MYO18A: variants seen among roughly 807,000 people sequenced by gnomAD.
MYO18A encodes myosin XVIIIA, also known as unconventional myosin-XVIIIa.
Under a neutral mutation model 235.8 loss-of-function variants are expected in MYO18A, and 78 were observed. The ratio of observed to expected loss-of-function variants is 0.33; its 90% CI spans 0.28 to 0.40. The LOEUF (loss-of-function observed/expected upper bound fraction) is 0.40. Among genes scored for constraint, MYO18A ranks in the 10% least tolerant of loss-of-function variants. The pLI is 1.00. For missense variants in MYO18A, 2,215 were observed against 2,699.3 expected, an observed-to-expected ratio of 0.82 and a Z score of 3.98; for synonymous variants, 977 against 1,077.8, an observed-to-expected ratio of 0.91 and a Z score of 1.83.
At chr17:29,091,441 T>C (rs2066396170) in intron 34 of MYO18A, 1 of 334,938 alleles carries the variant, frequency 3.0e-6, no homozygotes. Context: ...AGGAAATGAA[T>C]GAATCTATTA....
rs771938720 is a variant in MYO18A, at chr17:29,103,553, G to C, written c.3507+46C>G. On this transcript the variant is annotated intron_variant, in intron 21 of 41. Coordinates refer to ENST00000527372, the MANE Select transcript of MYO18A (RefSeq NM_078471.4). ...GAGGAGTGGGCCAGCCACCTGACAG[G>C]GGCCCCTGGAGTGAGGCCCGACTGC... The C allele has an allele frequency of 7.3e-5, 117 of 1,597,506 alleles. No homozygotes were observed. In the Admixed American group the frequency reaches 1.9e-3, roughly 26 times the overall value.
intron 37 of MYO18A, among the ~76,000 whole-genome samples, chr17:29,088,052 CTTTTTTT>C (rs1040172315): frequency 1.6e-5 from 2 of 124,626 alleles, no homozygotes; most frequent in East Asian, 2.3e-4. Flanking sequence ...AAAATAAATT[CTTTTTTT>C]TTTTTTTTTT....
Position 29,087,104 on chromosome 17 carries a change from G to A in MYO18A, c.5544C>T (p.Leu1848=). The A allele has an allele frequency of 6.2e-7, 1 of 1,613,584 alleles. No individual in the cohort carries two copies. Among genetic ancestry groups the A allele is most frequent in the Non-Finnish European group, 8.5e-7 (1 of 1,179,704 alleles). The change falls in exon 38 of 42, where the codon CTC becomes CTT. Residue 1848 remains leucine (L), a synonymous_variant. Transcript: ENST00000527372. ...CAGTCAGCTTCTCCATGTTTTCCTT[G>A]AGACGGCTAGCCAGGCTCTGGATAG... ...VKRLESLASR[L]KENMEKLTEE... is the part of the protein sequence containing the mutation.
At chr17:29,101,372 C>T (rs2066648381) in intron 21 of MYO18A, among the ~76,000 whole-genome samples, 1 of 152,134 alleles carries the variant, frequency 6.6e-6, no homozygotes, top group Non-Finnish European at 1.5e-5. Context: ...ATGGTGCAAT[C>T]TCTGCTTACT....
intron 37 of MYO18A, among the ~76,000 whole-genome samples, chr17:29,087,754 T>G (rs2066290445): frequency 6.6e-6 from 1 of 152,074 alleles, no homozygotes; most frequent in Non-Finnish European, 1.5e-5. Flanking sequence ...TCTATATCCC[T>G]AAAATAAAAG....
intron 25 of MYO18A, 88 bp from the exon 26 acceptor site, chr17:29,097,987 A>T (rs728876): frequency 6.4e-7 from 1 of 1,570,584 alleles, no homozygotes; most frequent in African/African-American, 1.3e-5. Context: ...ATGCTTACCA[A>T]GGGCAGACAG....
chr17:29,119,551 G>C, intron 7 of MYO18A, 116 bp from the exon 8 acceptor site: 1 of 566,514 alleles, frequency 1.8e-6, no homozygotes, highest in South Asian at 2.5e-5. Flanking sequence ...ACAAGCAGCT[G>C]CATTTTTTTT....
In MYO18A at chr17:29,111,223, C is replaced by A. The variant is rs1384249364; in HGVS notation, c.2900+201G>T. ...CTTCACATTTAAACCATAGGCTCTC[C>A]CACCATGTCTGCCTCCCACCTCTAC... On this transcript the variant is annotated intron_variant, in intron 17 of 41. Coordinates refer to ENST00000527372, the MANE Select transcript of MYO18A (RefSeq NM_078471.4). The surrounding 1 kb of genome is among the most constrained non-coding windows in gnomAD (Gnocchi z 5.1). Among the ~76,000 whole-genome samples, 1 of 152,148 alleles carries A rather than the reference C, an allele frequency of 6.6e-6. No homozygotes were observed. The highest frequency in any genetic ancestry group is 1.9e-4 in the East Asian group (1 of 5,188).
chr17:29,098,565 G>C, intron 23 of MYO18A, 120 bp from the exon 24 acceptor site: 1 of 1,213,382 alleles, frequency 8.2e-7, no homozygotes. Context: ...CATGGGGAAG[G>C]CATGTCCCCA....
intron 2 of MYO18A, among the ~76,000 whole-genome samples, chr17:29,132,362 C>A (rs1439620348): frequency 6.6e-6 from 1 of 152,236 alleles, no homozygotes; most frequent in Non-Finnish European, 1.5e-5. Flanking sequence ...CCTTTCCCCT[C>A]ACCAGTATCT....
intron 36 of MYO18A, 35 bp downstream of exon 36, chr17:29,090,497 A>ACT: frequency 1.3e-6 from 2 of 1,536,854 alleles, no homozygotes; most frequent in South Asian, 1.2e-5. Flanking sequence ...TGACCCTGGC[A>ACT]CTCTCTCTCT....
At chr17:29,124,731 G>C (rs748290691) in intron 2 of MYO18A, 1 of 1,261,452 alleles carries the variant, frequency 7.9e-7, no homozygotes, top group South Asian at 1.3e-5. Flanking sequence ...GAAGGGTGAA[G>C]ATAAGCAGAC....
intron 2 of MYO18A, among the ~76,000 whole-genome samples, chr17:29,141,756 C>T (rs1026057897): frequency 6.6e-6 from 1 of 152,248 alleles, no homozygotes; most frequent in Non-Finnish European, 1.5e-5. Context: ...TCTGGCCCTT[C>T]TGAAGCACGT....
intron 11 of MYO18A, among the ~76,000 whole-genome samples, 165 bp downstream of exon 11, chr17:29,116,279 C>T (rs1013013705): frequency 6.6e-6 from 1 of 152,184 alleles, no homozygotes; most frequent in Non-Finnish European, 1.5e-5. Context: ...CCTCTTGCCC[C>T]CTGGCATCTG....
chr17:29,080,412 G>T, intron 41 of MYO18A: 1 of 986,114 alleles, frequency 1.0e-6, no homozygotes, highest in Non-Finnish European at 1.2e-6. Flanking sequence ...TGTACTGCGA[G>T]CAGGCCTCGC....
rs756236552 is a variant in MYO18A, at chr17:29,099,649, G to C, written c.3621C>G (p.His1207Gln). Residue 1207 changes from histidine to glutamine, a missense_variant, in exon 22 of 42, where the codon CAC (histidine) becomes CAG (glutamine). Physicochemically the swap from His to Gln is conservative, Grantham distance 24 (BLOSUM62 0). Transcript: ENST00000527372. ...AGAGCAGCACCTTTCTCTTCTTGAA[G>C]TGCTGGCGGGCCAGGTAGCCCCTGC... ...AACRGYLARQ[H>Q]FKKRKIQDLA... is the part of the protein sequence containing the mutation. 6.2e-7 allele frequency: 1 copy of C among 1,613,716 alleles called. No homozygotes were observed. The highest frequency in any genetic ancestry group is 1.7e-5 in the Admixed American group (1 of 59,996).
chr17:29,127,589 G>A (rs2067352816), intron 2 of MYO18A, among the ~76,000 whole-genome samples: 1 of 152,252 alleles, frequency 6.6e-6, no homozygotes. Context: ...TGGGGACCAG[G>A]CCCTGACTCC....
rs1249427656 is a variant in MYO18A at position 29,090,580 on chromosome 17, T to G, written c.5340A>C (p.Gln1780His). 1.2e-6 allele frequency: 2 copies of G among 1,601,294 alleles called. No individual in the cohort carries two copies. Among genetic ancestry groups the G allele is most frequent in the East Asian group, 2.2e-5 (1 of 44,616 alleles). The change falls in exon 36 of 42, where the codon CAA (glutamine) becomes CAC (histidine). Residue 1780 changes from glutamine to histidine, a missense_variant. By Grantham distance (24) the Gln-to-His change is conservative (BLOSUM62 0). Transcript: ENST00000527372. ...CTTTGTTGGCTTCTTCTAGCTGAGC[T>G]TGGAGATCATTTATCTGAGCCAGGT... is the stretch of plus-strand genomic sequence containing the variant. The part of the protein sequence containing the change: ...SRDLAQINDL[Q>H]AQLEEANKEK...
intron 30 of MYO18A, chr17:29,094,293 C>A: frequency 1.7e-6 from 1 of 602,650 alleles, no homozygotes; most frequent in Non-Finnish European, 2.9e-6. Context: ...CACAGAGAGG[C>A]AGCTGGGGTG....
Sources: gnomAD v4.1 joint callset for allele counts (sites outside exome capture counted in the v4.1 genomes callset) on GRCh38, gnomAD v4.1.1 for gene constraint, Gnocchi (gnomAD v3.1) non-coding constraint, MANE v1.5 for transcripts, NCBI Gene and HGNC (gene_info 2026-07-23, HGNC 2026-07-21) for gene names.